Variants in RASGRF2 observed in about 807,000 individuals in gnomAD.
RASGRF2 encodes ras-specific guanine nucleotide-releasing factor 2.
RASGRF2 carries 76 observed loss-of-function variants against 151.0 expected under a neutral mutation model. The observed-to-expected ratio is 0.50, with a 90% CI of 0.42 to 0.61. The LOEUF (loss-of-function observed/expected upper bound fraction) is 0.61. Among genes scored for constraint, RASGRF2 ranks in the 20% least tolerant of loss-of-function variants. RASGRF2 has a pLI of 0.00. For synonymous variants in RASGRF2, 504 were observed against 566.5 expected (o/e 0.89, Z 1.57); for missense variants, 1,148 against 1,564.6 (o/e 0.73, Z 4.49).
chr5:81,178,314 A>G (rs536592867), intron 17 of RASGRF2, among the ~76,000 whole-genome samples: 200 of 152,338 alleles, frequency 1.3e-3, no homozygotes, highest in African/African-American at 4.6e-3. Flanking sequence ...TCAGGTTTAC[A>G]TAACTGGAGG....
Position 81,216,348 on chromosome 5 carries a change from T to TACACACACACACAC in RASGRF2, c.3434+400_3434+413dup, listed in dbSNP as rs10648156. Among the ~76,000 whole-genome samples, 587 of 147,554 alleles carry TACACACACACACAC rather than the reference T, an allele frequency of 4.0e-3. 5 individuals carry two copies. Among genetic ancestry groups the TACACACACACACAC allele is most frequent in the African/African-American group, 4.3e-3 (169 of 39,638 alleles). ...TTTGGTTTCTAGATTATTCCCTTTC[T>TACACACACACACAC]ACACACACACACACACACACGCACA... On this transcript the variant is annotated intron_variant, in intron 24 of 26. Coordinates refer to ENST00000265080, the MANE Select transcript of RASGRF2 (RefSeq NM_006909.3).
chr5:80,969,413 C>A (rs185954450), intron 1 of RASGRF2, among the ~76,000 whole-genome samples: 3 of 150,968 alleles, frequency 2.0e-5, no homozygotes, highest in Non-Finnish European at 4.4e-5. Flanking sequence ...GGTTTACAGG[C>A]GTGAGCCACC....
chr5:81,083,577 G>C (rs1012470652), intron 7 of RASGRF2, among the ~76,000 whole-genome samples: 2 of 152,168 alleles, frequency 1.3e-5, no homozygotes, highest in African/African-American at 4.8e-5. Flanking sequence ...ATCCCCAGTT[G>C]AACTATCAGA....
chr5:81,054,131 T>C (rs1000556217), intron 2 of RASGRF2, among the ~76,000 whole-genome samples: 3 of 152,264 alleles, frequency 2.0e-5, no homozygotes, highest in Non-Finnish European at 4.4e-5. Flanking sequence ...TGAGTTTAAT[T>C]AGATCCCATT....
At chr5:81,030,728 A>G (rs1012577885) in intron 1 of RASGRF2, among the ~76,000 whole-genome samples, 1 of 152,268 alleles carries the variant, frequency 6.6e-6, no homozygotes, top group Non-Finnish European at 1.5e-5. Flanking sequence ...AATGCCAGGA[A>G]GAAACCGCAT....
At chr5:81,038,968 T>C (rs1052213707) in intron 1 of RASGRF2, among the ~76,000 whole-genome samples, 2 of 152,250 alleles carry the variant, frequency 1.3e-5, no homozygotes, top group African/African-American at 2.4e-5. Context: ...GGGTATCATT[T>C]GTTGTATAAA....
intron 12 of RASGRF2, chr5:81,096,117 A>G (rs1752539764): frequency 6.6e-6 from 1 of 152,176 alleles, no homozygotes; most frequent in East Asian, 1.9e-4. Flanking sequence ...AGAGTGCCTT[A>G]TGCTGGACTT....
chr5:80,988,604 G>C (rs1437481217), intron 1 of RASGRF2, among the ~76,000 whole-genome samples: 1 of 152,178 alleles, frequency 6.6e-6, no homozygotes, highest in Non-Finnish European at 1.5e-5. Flanking sequence ...TCTGCTTTCA[G>C]ATGCTGACTT....
intron 2 of RASGRF2, among the ~76,000 whole-genome samples, chr5:81,057,096 T>C (rs1411381717): frequency 6.6e-6 from 1 of 152,232 alleles, no homozygotes; most frequent in Admixed American, 6.5e-5. Flanking sequence ...TTTGCCAGTC[T>C]GTGTCTTTTA....
chr5:81,061,890 T>C (rs564541871), intron 2 of RASGRF2, among the ~76,000 whole-genome samples: 2 of 151,264 alleles, frequency 1.3e-5, no homozygotes, highest in Admixed American at 1.3e-4. Context: ...GGTTTCACCA[T>C]GTTGCCCAGG....
At chr5:81,046,816 A>G (rs1207107795) in intron 2 of RASGRF2, among the ~76,000 whole-genome samples, 10 of 152,080 alleles carry the variant, frequency 6.6e-5, no homozygotes, top group Admixed American at 1.3e-4. Flanking sequence ...CAACTCTTCA[A>G]TGTTTCATCT....
intron 5 of RASGRF2, among the ~76,000 whole-genome samples, chr5:81,076,731 C>A (rs964246267): frequency 6.6e-6 from 1 of 152,008 alleles, no homozygotes; most frequent in Non-Finnish European, 1.5e-5. Context: ...AGGGAAGTGT[C>A]GGAGCTGGAG....
chr5:81,112,472 C>T, intron 13 of RASGRF2, 138 bp from the exon 14 acceptor site: 1 of 1,141,946 alleles, frequency 8.8e-7, no homozygotes, highest in Admixed American at 2.1e-5. Context: ...TGAGGGACAA[C>T]TGTGCAATTA....
chr5:81,094,641 C>T (rs1752492350), intron 11 of RASGRF2, among the ~76,000 whole-genome samples: 1 of 151,954 alleles, frequency 6.6e-6, no homozygotes. Flanking sequence ...AGAAGGAAAC[C>T]AGGATTCTAG....
rs191012242 is a variant in RASGRF2, at chr5:81,003,425, A to T, written c.289-39452A>T. Reference sequence around the variant, plus strand: ...TTTTTAGTAGAGACAGGGTTTCACCAGGTTAGCCAGGATGGTCTCGATCTA... The same window carrying T: ...TTTTTAGTAGAGACAGGGTTTCACCTGGTTAGCCAGGATGGTCTCGATCTA... On this transcript the variant is annotated intron_variant, in intron 1 of 26. Transcript: ENST00000265080. Among the ~76,000 whole-genome samples the T allele has an allele frequency of 4.6e-5, 7 of 152,184 alleles. No homozygotes were observed. The East Asian group carries it at 5.8e-4, about 13-fold the overall frequency.
At chr5:80,963,900 G>A (rs540511717) in intron 1 of RASGRF2, among the ~76,000 whole-genome samples, 1 of 151,860 alleles carries the variant, frequency 6.6e-6, no homozygotes, top group African/African-American at 2.4e-5. Context: ...ATGCTTATTA[G>A]TTGTGTTTTT....
intron 18 of RASGRF2, among the ~76,000 whole-genome samples, chr5:81,182,243 C>A (rs1201994006): frequency 1.3e-5 from 2 of 152,198 alleles, no homozygotes; most frequent in African/African-American, 4.8e-5. Flanking sequence ...TCTGACCTCA[C>A]CATTGGGTAA....
chr5:81,219,561 T>C (rs1266288529), intron 25 of RASGRF2, 149 bp from the exon 26 acceptor site: 1 of 569,590 alleles, frequency 1.8e-6, no homozygotes. Flanking sequence ...GCACCAACCA[T>C]AGGGAATGGT....
At chr5:81,020,609 A>G (rs500007) in intron 1 of RASGRF2, among the ~76,000 whole-genome samples, 56,520 of 152,030 alleles carry the variant, frequency 0.37, 10,704 homozygotes, top group Middle Eastern at 0.53. Flanking sequence ...GCTCTCAGCC[A>G]GTGTGAGAAA....
Sources: gnomAD v4.1 joint callset for allele counts (sites outside exome capture counted in the v4.1 genomes callset) on GRCh38, gnomAD v4.1.1 for gene constraint, MANE v1.5 for transcripts, NCBI Gene and HGNC (gene_info 2026-07-23, HGNC 2026-07-21) for gene names.